The following RNF24 variants were observed in gnomAD, a reference collection of about 807,000 sequenced individuals.
RNF24 encodes the protein ring finger protein 24.
RNF24 carries 14 observed loss-of-function variants against 20.0 expected under a neutral mutation model. That is an observed-to-expected ratio of 0.70 (90% CI 0.46 to 1.10). The LOEUF is 1.10. Among genes scored for constraint, RNF24 ranks in the 50% least tolerant of loss-of-function variants. The pLI is 0.00. For missense variants in RNF24, 124 were observed against 177.6 expected (o/e 0.70, Z 1.71); for synonymous variants, 45 against 61.1 (o/e 0.74, Z 1.23).
rs1208869148 is a variant in RNF24 at position 3,928,291 on chromosome 20, G to A, written c.*5772C>T. On this transcript the variant is annotated 3_prime_UTR_variant, in exon 6 of 6. Transcript: ENST00000358395. ...GGGCACCAGTTGCAATTTTAATCCA[G>A]GGGAGGATCTGGGCTGCTGCTGTAG... 4 of 152,240 alleles carry A rather than the reference G, an allele frequency of 2.6e-5. No homozygotes were observed. Among genetic ancestry groups the A allele is most frequent in the African/African-American group, 4.8e-5 (2 of 41,456 alleles). The allele number at this position is 152,240 out of a possible 1,614,324, so 9.4% of individuals were successfully genotyped here.
chr20:3,999,288 T>C (rs559681705), intron 1 of RNF24, among the ~76,000 whole-genome samples: 1 of 152,256 alleles, frequency 6.6e-6, no homozygotes, highest in African/African-American at 2.4e-5. Context: ...CTAACAACCA[T>C]GACATTATTC....
chr20:4,004,554 G>A (rs192230270), intron 1 of RNF24, among the ~76,000 whole-genome samples: 1 of 152,260 alleles, frequency 6.6e-6, no homozygotes, highest in East Asian at 1.9e-4. Flanking sequence ...GGAGATGAGA[G>A]CATTTTGGAT....
chr20:3,999,861 G>A (rs919830199), intron 1 of RNF24, among the ~76,000 whole-genome samples: 2 of 152,084 alleles, frequency 1.3e-5, no homozygotes, highest in African/African-American at 4.8e-5. Context: ...AAAGAACATG[G>A]ATGAACCTTG....
intron 1 of RNF24, among the ~76,000 whole-genome samples, chr20:3,983,537 G>T (rs547355779): frequency 5.5e-4 from 83 of 152,132 alleles, no homozygotes; most frequent in East Asian, 7.7e-4. Context: ...ACCCAGCTTG[G>T]AGCAGTGAGC....
chr20:4,012,936 G>A (rs1434299936), intron 1 of RNF24, among the ~76,000 whole-genome samples: 1 of 151,880 alleles, frequency 6.6e-6, no homozygotes, highest in Non-Finnish European at 1.5e-5. Flanking sequence ...AATGTCTTAT[G>A]CAGTCAAGAC....
chr20:3,932,736 G>A lies in RNF24; in HGVS notation c.*1327C>T, dbSNP rs1267594200. On this transcript the variant is annotated 3_prime_UTR_variant, in exon 6 of 6. Coordinates refer to ENST00000358395, the MANE Select transcript of RNF24 (RefSeq NM_001134337.3). ...TTGAGGCAGGCGCTCCTAAGATGGA[G>A]GGAGGCGGAGAGCAGGGCTGTGGAA... 6 of 395,496 alleles carry A rather than the reference G, an allele frequency of 1.5e-5. No homozygotes were observed. The highest frequency in any genetic ancestry group is 4.1e-5 in the African/African-American group (2 of 48,598). 24.5% of individuals were successfully genotyped at this position (395,496 alleles called of 1,614,324 possible).
In RNF24 at chr20:3,931,210, T is replaced by C. The variant is rs2090817366; in HGVS notation, c.*2853A>G. ...TAGCAGACCAGCAACATTCTATCTT[T>C]GAGCTGCTTAAGAAACACACAAAGG... On this transcript the variant is annotated 3_prime_UTR_variant, in exon 6 of 6. Coordinates refer to ENST00000358395, the MANE Select transcript of RNF24 (RefSeq NM_001134337.3). 1 of 152,320 alleles carries C rather than the reference T, an allele frequency of 6.6e-6. No homozygotes were observed. The highest frequency in any genetic ancestry group is 2.4e-5 in the African/African-American group (1 of 41,548). 9.4% of individuals were successfully genotyped at this position (152,320 alleles called of 1,614,324 possible).
At chr20:3,949,485 A>C (rs1396676246) in intron 2 of RNF24, among the ~76,000 whole-genome samples, 1 of 152,214 alleles carries the variant, frequency 6.6e-6, no homozygotes, top group Non-Finnish European at 1.5e-5. Context: ...CAGGAGTTCG[A>C]GACCAGCCTG....
chr20:3,961,238 CA>C (rs2091198318), intron 2 of RNF24, among the ~76,000 whole-genome samples: 1 of 151,628 alleles, frequency 6.6e-6, no homozygotes. Context: ...TTCGTCTCTA[CA>C]AAAAATAAAA....
rs1241038272 is a variant in RNF24, at chr20:3,932,139, G to C, written c.*1924C>G. 1.3e-5 allele frequency: 2 copies of C among 152,172 alleles called. No homozygotes were observed. The highest frequency in any genetic ancestry group is 3.8e-4 in the East Asian group (2 of 5,200). The allele number at this position is 152,172 out of a possible 1,614,324, so 9.4% of individuals were successfully genotyped here. A position where few individuals can be genotyped will look rare whatever the true frequency, so the allele number is the denominator to read the frequency against. On this transcript the variant is annotated 3_prime_UTR_variant, in exon 6 of 6. Transcript: ENST00000358395. ...GTCCCAAGGCCATTCCATGGAAAAT[G>C]GTGGCTGCTGGCAATTAGTGAGGCT...
chr20:3,996,372 G>A (rs1459142005), intron 1 of RNF24, among the ~76,000 whole-genome samples: 2 of 152,118 alleles, frequency 1.3e-5, no homozygotes, highest in Non-Finnish European at 2.9e-5. Flanking sequence ...ATATTTTGTA[G>A]AGATCGGATC....
Position 3,934,265 on chromosome 20 carries a change from T to C in RNF24, c.309-64A>G, listed in dbSNP as rs948689192. The C allele has an allele frequency of 1.3e-6, 2 of 1,513,676 alleles. No individual in the cohort carries two copies. Among genetic ancestry groups the C allele is most frequent in the African/African-American group, 2.8e-5 (2 of 70,940 alleles). The allele number at this position is 1,513,676 out of a possible 1,614,324, so 93.8% of individuals were successfully genotyped here. A position where few individuals can be genotyped will look rare whatever the true frequency, so the allele number is the denominator to read the frequency against. ...TATGCTCATGGCACGGCTGTTCTGCTGAACATCTCCATATCTGTCACCCAG... is the reference window on the plus strand; with the variant it reads ...TATGCTCATGGCACGGCTGTTCTGCCGAACATCTCCATATCTGTCACCCAG... On this transcript the variant is annotated intron_variant, in intron 5 of 5. Transcript: ENST00000358395. The surrounding 1 kb of genome is among the most constrained non-coding windows in gnomAD (Gnocchi z 4.0).
rs2090809023 is a variant in RNF24, at chr20:3,930,590, G to A, written c.*3473C>T. 1 of 152,184 alleles carries A rather than the reference G, an allele frequency of 6.6e-6. No homozygotes were observed. The highest frequency in any genetic ancestry group is 2.1e-4 in the South Asian group (1 of 4,834). The allele number at this position is 152,184 out of a possible 1,614,324, so 9.4% of individuals were successfully genotyped here. Reference sequence around the variant, plus strand: ...GCCTAAGGCTAGTGAGTGACAAGAGGTGATTCCATCACTCTCTGCCTGGAG... The same window carrying A: ...GCCTAAGGCTAGTGAGTGACAAGAGATGATTCCATCACTCTCTGCCTGGAG... On this transcript the variant is annotated 3_prime_UTR_variant, in exon 6 of 6. Transcript: ENST00000358395.
At chr20:4,009,576 T>C (rs1982270491) in intron 1 of RNF24, among the ~76,000 whole-genome samples, 1 of 152,134 alleles carries the variant, frequency 6.6e-6, no homozygotes, top group South Asian at 2.1e-4. Context: ...TGATATCTCC[T>C]AAACCCTCAA....
intron 2 of RNF24, among the ~76,000 whole-genome samples, chr20:3,950,651 T>C (rs942488238): frequency 1.3e-5 from 2 of 152,260 alleles, no homozygotes; most frequent in African/African-American, 4.8e-5. Context: ...ACTTTTATTT[T>C]GAAATAATTT....
chr20:4,011,317 T>G (rs1001373794), intron 1 of RNF24, among the ~76,000 whole-genome samples: 24 of 152,318 alleles, frequency 1.6e-4, no homozygotes, highest in African/African-American at 5.5e-4. Context: ...ATGTAACTTC[T>G]GAATTCAGGA....
rs1194667008 is a variant in RNF24 at position 3,927,678 on chromosome 20, G to A, written c.*6385C>T. 6.6e-6 allele frequency: 1 copy of A among 152,202 alleles called. No individual in the cohort carries two copies. The highest frequency in any genetic ancestry group is 1.9e-4 in the East Asian group (1 of 5,198). 9.4% of individuals were successfully genotyped at this position (152,202 alleles called of 1,614,324 possible). On this transcript the variant is annotated 3_prime_UTR_variant, in exon 6 of 6. Transcript: ENST00000358395. ...TAGGAAGACCAGCTGTCACCAGAAG[G>A]GAGTTCCTAACACTTGCCACACCTG...
At chr20:4,009,115 G>A (rs1982219571) in intron 1 of RNF24, among the ~76,000 whole-genome samples, 1 of 152,116 alleles carries the variant, frequency 6.6e-6, no homozygotes, top group African/African-American at 2.4e-5. Flanking sequence ...GACAGATGAG[G>A]TCCTTGCCTT....
chr20:3,958,728 A>T (rs2146980072), intron 2 of RNF24, among the ~76,000 whole-genome samples: 1 of 152,230 alleles, frequency 6.6e-6, no homozygotes, highest in Middle Eastern at 3.4e-3. Flanking sequence ...TGCAACCTCC[A>T]CCTTCTGGGT....
Sources: allele counts gnomAD v4.1 joint callset (sites outside exome capture counted in the v4.1 genomes callset), GRCh38; gene constraint gnomAD v4.1.1; non-coding constraint Gnocchi (gnomAD v3.1); transcripts MANE v1.5; gene names NCBI Gene and HGNC (gene_info 2026-07-23, HGNC 2026-07-21).